Variants in OCA2 observed in about 807,000 individuals in gnomAD.
OCA2 encodes the protein P protein.
OCA2 carries 77 observed loss-of-function variants against 100.2 expected under a neutral mutation model. That is an observed-to-expected ratio of 0.77 (90% CI 0.64 to 0.93). The LOEUF is 0.93. Among genes scored for constraint, OCA2 ranks in the 40% least tolerant of loss-of-function variants. The pLI, the probability that OCA2 is intolerant of heterozygous loss-of-function variation, is 0.00. For missense variants in OCA2, 1,062 were observed against 1,089.1 expected (o/e 0.98, Z 0.35); for synonymous variants, 432 against 439.2 (o/e 0.98, Z 0.21).
intron 1 of OCA2, among the ~76,000 whole-genome samples, chr15:28,094,265 G>A (rs2044927011): frequency 6.6e-6 from 1 of 152,170 alleles, no homozygotes; most frequent in Non-Finnish European, 1.5e-5. Flanking sequence ...CCCAGCCCGT[G>A]GCTGCACTCT....
At chr15:27,784,720 T>C (rs1338046138) in intron 23 of OCA2, among the ~76,000 whole-genome samples, 3 of 152,118 alleles carry the variant, frequency 2.0e-5, no homozygotes, top group Non-Finnish European at 4.4e-5. Flanking sequence ...CGGCTCACTA[T>C]AGGCCTAACA....
chr15:27,897,729 G>A (rs2151630767), intron 19 of OCA2, among the ~76,000 whole-genome samples: 1 of 152,318 alleles, frequency 6.6e-6, no homozygotes, highest in East Asian at 1.9e-4. Context: ...GTGGAGCTGT[G>A]AGAAGCTCCC....
chr15:28,002,136 T>A (rs1206035263), intron 9 of OCA2, among the ~76,000 whole-genome samples: 1 of 152,138 alleles, frequency 6.6e-6, no homozygotes, highest in Non-Finnish European at 1.5e-5. Context: ...CCAAAAAAGC[T>A]GATACAAGAG....
chr15:27,861,442 G>A (rs576917016), intron 21 of OCA2, among the ~76,000 whole-genome samples: 4 of 152,240 alleles, frequency 2.6e-5, no homozygotes, highest in African/African-American at 9.6e-5. Context: ...TAAGTGTTCA[G>A]ATGAGACCCC....
chr15:27,951,812 C>A lies in OCA2; in HGVS notation c.1923G>T (p.Ser641=), dbSNP rs534814000. ...GATCAAGATGAATGCCAGGGACAAA[C>A]GAATTGAGGAAAAACATGAAGATAA... The part of the protein sequence containing the change: ...GFVIFMFFLN[S]FVPGIHLDLG... Residue 641 remains serine (S), a synonymous_variant, in exon 18 of 24, where the codon TCG becomes TCT. Transcript: ENST00000354638. 2 of 1,613,274 alleles carry A rather than the reference C, an allele frequency of 1.2e-6. No individual in the cohort carries two copies. The highest frequency in any genetic ancestry group is 2.7e-5 in the African/African-American group (2 of 74,870).
At chr15:27,879,626 T>C (rs1389243344) in intron 19 of OCA2, among the ~76,000 whole-genome samples, 1 of 152,218 alleles carries the variant, frequency 6.6e-6, no homozygotes, top group Non-Finnish European at 1.5e-5. Flanking sequence ...TTTTCTTAAG[T>C]TTGTTGGTTG....
intron 2 of OCA2, among the ~76,000 whole-genome samples, chr15:28,036,581 GCC>G (rs1264082303): frequency 6.6e-6 from 1 of 152,056 alleles, no homozygotes; most frequent in African/African-American, 2.4e-5. Context: ...ACAGTTTCTT[GCC>G]CATGCCTCTG....
intron 23 of OCA2, among the ~76,000 whole-genome samples, chr15:27,798,005 G>A (rs2033421117): frequency 2.0e-5 from 3 of 152,388 alleles, no homozygotes; most frequent in African/African-American, 7.2e-5. Flanking sequence ...GGGAGGGCAT[G>A]TGAGCAGCAG....
rs764942704 is a variant in OCA2 at position 27,989,646 on chromosome 15, C to T, written c.1137G>A (p.Val379=). ...GCGTCTCAAAATCAATCCACTCCAC[C>T]ACATGGGTCAGGCTGGGTCTCTGCA... ...VIGDRPSLTH[V]VEWIDFETLA... The change falls in exon 11 of 24, where the codon GTG becomes GTA. Residue 379 remains valine (V), a synonymous_variant. Coordinates refer to ENST00000354638, the MANE Select transcript of OCA2 (RefSeq NM_000275.3). The T allele has an allele frequency of 1.2e-6, 2 of 1,614,150 alleles. No individual in the cohort carries two copies. Among genetic ancestry groups the T allele is most frequent in the Non-Finnish European group, 1.7e-6 (2 of 1,180,010 alleles).
intron 21 of OCA2, among the ~76,000 whole-genome samples, chr15:27,859,471 T>C (rs1331278892): frequency 6.6e-6 from 1 of 152,050 alleles, no homozygotes; most frequent in Admixed American, 6.6e-5. Flanking sequence ...AACTGACTCA[T>C]GAAAAAATAG....
chr15:27,943,045 T>C (rs1165574190), intron 18 of OCA2, among the ~76,000 whole-genome samples: 4 of 152,214 alleles, frequency 2.6e-5, no homozygotes, highest in African/African-American at 9.6e-5. Context: ...TTTTCTAATA[T>C]GCCAAAGCCT....
chr15:27,805,563 T>C (rs2033803621), intron 23 of OCA2, among the ~76,000 whole-genome samples: 1 of 152,172 alleles, frequency 6.6e-6, no homozygotes, highest in Non-Finnish European at 1.5e-5. Context: ...ATGTGGCAGC[T>C]GCCCGGGTGT....
chr15:27,872,021 T>C (rs1016996466), intron 19 of OCA2, 99 bp from the exon 20 acceptor site: 3 of 844,842 alleles, frequency 3.6e-6, no homozygotes, highest in African/African-American at 3.3e-5. Flanking sequence ...GAACATAAGG[T>C]AGGCCCAGAT....
intron 9 of OCA2, among the ~76,000 whole-genome samples, chr15:28,013,208 G>T (rs1284489259): frequency 6.6e-6 from 1 of 152,178 alleles, no homozygotes; most frequent in African/African-American, 2.4e-5. Flanking sequence ...CTCAATTGTA[G>T]TCTGTAGGAA....
chr15:28,027,844 C>G (rs373963826), intron 4 of OCA2, 27 bp downstream of exon 4: 5 of 1,610,732 alleles, frequency 3.1e-6, no homozygotes, highest in Non-Finnish European at 4.2e-6. Flanking sequence ...CCGCTGCTGC[C>G]AGGGTGGGCA....
chr15:28,047,429 A>G (rs950083362), intron 2 of OCA2, among the ~76,000 whole-genome samples: 1 of 152,202 alleles, frequency 6.6e-6, no homozygotes, highest in African/African-American at 2.4e-5. Context: ...AACATTGTCA[A>G]CTTCATCACC....
At chr15:27,753,605 C>T (rs978953749), downstream of OCA2, among the ~76,000 whole-genome samples, 7 of 151,768 alleles carry the variant, frequency 4.6e-5, 1 homozygote, top group Admixed American at 3.9e-4. Flanking sequence ...GGCGTGGTGG[C>T]GGGTGCATGT....
chr15:27,755,310 G>A lies in OCA2; in HGVS notation c.*78C>T, dbSNP rs1332405395. On this transcript the variant is annotated 3_prime_UTR_variant, in exon 24 of 24. Coordinates refer to ENST00000354638, the MANE Select transcript of OCA2 (RefSeq NM_000275.3). ...AGCACCTTTTCTTCTTCAAACAGTG[G>A]GGTCAGGGTAGTTTTATGACTAATG... 9 of 1,033,532 alleles carry A rather than the reference G, an allele frequency of 8.7e-6. No homozygotes were observed. 64.0% of individuals were successfully genotyped at this position (1,033,532 alleles called of 1,614,324 possible).
intron 23 of OCA2, among the ~76,000 whole-genome samples, chr15:27,791,672 CTTTAAA>C (rs1160248049): frequency 1.3e-5 from 2 of 152,110 alleles, no homozygotes; most frequent in Non-Finnish European, 2.9e-5. Flanking sequence ...AATATAAACT[CTTTAAA>C]TTTTGTTTTT....
Sources: gnomAD v4.1 joint callset for allele counts (sites outside exome capture counted in the v4.1 genomes callset) on GRCh38, gnomAD v4.1.1 for gene constraint, MANE v1.5 for transcripts, NCBI Gene and HGNC (gene_info 2026-07-23, HGNC 2026-07-21) for gene names.